Variants in FHIT observed in about 807,000 individuals in gnomAD.
FHIT encodes fragile histidine triad diadenosine triphosphatase.
In FHIT, 19 loss-of-function variants were observed where a neutral mutation model predicts 17.9. The observed-to-expected ratio is 1.06, with a 90% CI of 0.74 to 1.56. The LOEUF (loss-of-function observed/expected upper bound fraction) is 1.56, where lower values mean the gene tolerates loss of function less well. FHIT is among the 40% of genes most tolerant of loss of function. The pLI is 0.00. For missense variants in FHIT, 248 were observed against 189.2 expected, an observed-to-expected ratio of 1.31 and a Z score of -1.82; for synonymous variants, 81 against 69.7, an observed-to-expected ratio of 1.16 and a Z score of -0.81.
chr3:60,776,308 G>A (rs1700216076), intron 4 of FHIT, among the ~76,000 whole-genome samples: 1 of 152,138 alleles, frequency 6.6e-6, no homozygotes. Flanking sequence ...TGTACTGTAC[G>A]TAATGTTTGT....
At chr3:59,866,280 C>T (rs1436772879) in intron 8 of FHIT, among the ~76,000 whole-genome samples, 2 of 141,988 alleles carry the variant, frequency 1.4e-5, no homozygotes, top group Admixed American at 1.4e-4. Context: ...AGGAAGTGGC[C>T]AGTACAGACA....
intron 5 of FHIT, among the ~76,000 whole-genome samples, chr3:60,396,818 C>T (rs1246230192): frequency 6.6e-6 from 1 of 151,958 alleles, no homozygotes; most frequent in Non-Finnish European, 1.5e-5. Flanking sequence ...TAACTTATTT[C>T]AAAATGAAAA....
chr3:60,814,538 G>T (rs191736537), intron 4 of FHIT, among the ~76,000 whole-genome samples: 2 of 152,182 alleles, frequency 1.3e-5, no homozygotes, highest in South Asian at 2.1e-4. Flanking sequence ...GACATGATTC[G>T]ATTCTTTTTT....
intron 5 of FHIT, among the ~76,000 whole-genome samples, chr3:60,131,020 CATATATACAT>C (rs1197607845): frequency 6.9e-6 from 1 of 144,814 alleles, no homozygotes; most frequent in Non-Finnish European, 1.5e-5. Context: ...TATATATACA[CATATATACAT>C]ATGTGTATAT....
intron 5 of FHIT, among the ~76,000 whole-genome samples, chr3:60,022,706 G>T (rs1470754641): frequency 6.6e-6 from 1 of 152,180 alleles, no homozygotes; most frequent in African/African-American, 2.4e-5. Context: ...GCTCTGATAA[G>T]GAGCAGGAGG....
chr3:60,467,205 G>T (rs559016453), intron 5 of FHIT, among the ~76,000 whole-genome samples: 1 of 151,826 alleles, frequency 6.6e-6, no homozygotes, highest in African/African-American at 2.4e-5. Context: ...GATATCAATT[G>T]TAATGTCTCC....
chr3:60,617,342 G>A (rs1360899211), intron 4 of FHIT: 5 of 199,080 alleles, frequency 2.5e-5, no homozygotes, highest in Non-Finnish European at 4.4e-5. Context: ...CTACTCAGCT[G>A]GATTTACCTG....
At chr3:60,843,271 GA>G (rs1702801302) in intron 3 of FHIT, among the ~76,000 whole-genome samples, 1 of 152,140 alleles carries the variant, frequency 6.6e-6, no homozygotes, top group African/African-American at 2.4e-5. Context: ...CCAGAGGCTG[GA>G]AAGTCTCATA....
At chr3:60,478,763 C>A (rs1000753196) in intron 5 of FHIT, among the ~76,000 whole-genome samples, 4 of 152,032 alleles carry the variant, frequency 2.6e-5, no homozygotes, top group Admixed American at 2.0e-4. Flanking sequence ...TTTTTTTGCA[C>A]AAATGAACAA....
At chr3:60,470,502 A>G (rs2033034329) in intron 5 of FHIT, among the ~76,000 whole-genome samples, 1 of 151,966 alleles carries the variant, frequency 6.6e-6, no homozygotes, top group Non-Finnish European at 1.5e-5. Context: ...CTCCGGGCAC[A>G]TGGAGAGTAT....
intron 3 of FHIT, among the ~76,000 whole-genome samples, chr3:60,866,497 G>T (rs1704166663): frequency 6.6e-6 from 1 of 152,128 alleles, no homozygotes; most frequent in Non-Finnish European, 1.5e-5. Flanking sequence ...CCATCAAGCT[G>T]CCAGGCATGT....
chr3:60,388,262 A>C (rs1303365457), intron 5 of FHIT, among the ~76,000 whole-genome samples: 1 of 152,212 alleles, frequency 6.6e-6, no homozygotes, highest in East Asian at 1.9e-4. Flanking sequence ...AACTCACCTC[A>C]AATGTACTTC....
intron 5 of FHIT, among the ~76,000 whole-genome samples, chr3:60,264,944 T>C (rs1417731752): frequency 6.6e-6 from 1 of 151,920 alleles, no homozygotes; most frequent in Non-Finnish European, 1.5e-5. Context: ...ATACGTATTG[T>C]CTCTATGTCT....
chr3:61,039,428 G>A (rs2033400573), intron 3 of FHIT, among the ~76,000 whole-genome samples: 1 of 152,068 alleles, frequency 6.6e-6, no homozygotes, highest in South Asian at 2.1e-4. Context: ...GCTCCCTTGT[G>A]CCCTATATTC....
At chr3:60,541,506 C>G (rs981972896) in intron 4 of FHIT, among the ~76,000 whole-genome samples, 4 of 152,096 alleles carry the variant, frequency 2.6e-5, no homozygotes, top group Non-Finnish European at 5.9e-5. Context: ...TTCGTACTAC[C>G]TGGTTCTAGG....
At chr3:60,375,136 A>T (rs908315761) in intron 5 of FHIT, among the ~76,000 whole-genome samples, 8 of 152,092 alleles carry the variant, frequency 5.3e-5, no homozygotes, top group African/African-American at 1.9e-4. Flanking sequence ...AAAACAAAAA[A>T]AACACTTTCA....
At chr3:59,826,449 A>T (rs1457810422) in intron 8 of FHIT, among the ~76,000 whole-genome samples, 6 of 152,162 alleles carry the variant, frequency 3.9e-5, no homozygotes, top group Admixed American at 1.3e-4. Flanking sequence ...TACTATGTTT[A>T]CAGTTTGTTT....
chr3:59,881,694 T>TA (rs1344861828), intron 8 of FHIT, among the ~76,000 whole-genome samples: 1 of 152,046 alleles, frequency 6.6e-6, no homozygotes, highest in East Asian at 1.9e-4. Context: ...TTCAGACAAA[T>TA]AAAAAATACA....
chr3:60,742,658 T>G (rs1026087522), intron 4 of FHIT, among the ~76,000 whole-genome samples: 2 of 152,242 alleles, frequency 1.3e-5, no homozygotes, highest in African/African-American at 4.8e-5. Context: ...TAGGAACCCA[T>G]GCGTTTGATT....
Sources: gnomAD v4.1 joint callset for allele counts (sites outside exome capture counted in the v4.1 genomes callset) on GRCh38, gnomAD v4.1.1 for gene constraint, MANE v1.5 for transcripts, NCBI Gene and HGNC (gene_info 2026-07-23, HGNC 2026-07-21) for gene names.